The following CEP128 variants were observed in gnomAD, a reference collection of about 807,000 sequenced individuals.
CEP128 encodes the protein centrosomal protein 128.
A neutral mutation model predicts 156.7 loss-of-function variants in CEP128; 132 were observed. The ratio of observed to expected loss-of-function variants is 0.84; its 90% CI spans 0.73 to 0.97. The LOEUF (loss-of-function observed/expected upper bound fraction) is 0.97, where lower values mean the gene tolerates loss of function less well. Among genes scored for constraint, CEP128 ranks in the 50% least tolerant of loss-of-function variants. The pLI is 0.00. For missense variants in CEP128, 1,252 were observed against 1,281.9 expected (o/e 0.98, Z 0.36); for synonymous variants, 469 against 448.9 (o/e 1.04, Z -0.57).
At chr14:80,559,228 A>G (rs1324141760) in intron 21 of CEP128, 51 bp downstream of exon 21, 2 of 1,507,570 alleles carry the variant, frequency 1.3e-6, no homozygotes, top group Non-Finnish European at 9.2e-7. Flanking sequence ...AATCCACATC[A>G]GGAGACAGCA....
intron 2 of CEP128, among the ~76,000 whole-genome samples, chr14:80,920,736 C>A (rs1884812211): frequency 6.6e-6 from 1 of 152,102 alleles, no homozygotes; most frequent in African/African-American, 2.4e-5. Flanking sequence ...CAATAAGACG[C>A]TTTTCTAGAC....
At chr14:80,532,307 C>A (rs1389545294) in intron 21 of CEP128, among the ~76,000 whole-genome samples, 1 of 152,106 alleles carries the variant, frequency 6.6e-6, no homozygotes, top group South Asian at 2.1e-4. Flanking sequence ...GATCCTCTGA[C>A]CTCAGCCTCT....
At chr14:80,568,891 G>A (rs1279235145) in intron 20 of CEP128, among the ~76,000 whole-genome samples, 1 of 152,096 alleles carries the variant, frequency 6.6e-6, no homozygotes, top group African/African-American at 2.4e-5. Flanking sequence ...CTAAAATAAA[G>A]CAGATGTATA....
rs910954614 is a variant in CEP128, at chr14:80,785,279, T to G, written c.1827A>C (p.Lys609Asn). 81 of 1,614,080 alleles carry G rather than the reference T, an allele frequency of 5.0e-5. No homozygotes were observed. Among genetic ancestry groups the G allele is most frequent in the Middle Eastern group, 4.9e-4 (3 of 6,084 alleles). Residue 609 changes from lysine (K) to asparagine (N), a missense_variant, in exon 15 of 25, where the codon AAA (lysine) becomes AAC (asparagine). By Grantham distance (94) the Lys-to-Asn change is moderately conservative (BLOSUM62 0). Transcript: ENST00000555265. Reference sequence around the variant, plus strand: ...CTGCAATTTCTTCCTCCAAGTGAGCTTTCTCAACTTTCATCTGGCTTTGGA... The same window carrying G: ...CTGCAATTTCTTCCTCCAAGTGAGCGTTCTCAACTTTCATCTGGCTTTGGA... ...SKIQSQMKVEKAHLEEEIAEL... is the reference protein window; with the variant it reads ...SKIQSQMKVENAHLEEEIAEL...
At chr14:80,753,399 A>C (rs1227696927) in intron 18 of CEP128, among the ~76,000 whole-genome samples, 2 of 152,226 alleles carry the variant, frequency 1.3e-5, no homozygotes, top group African/African-American at 4.8e-5. Context: ...TAAATACTGG[A>C]TATAGGAATT....
At chr14:80,783,624 C>T (rs1245172246) in intron 15 of CEP128, among the ~76,000 whole-genome samples, 2 of 152,102 alleles carry the variant, frequency 1.3e-5, no homozygotes, top group Non-Finnish European at 2.9e-5. Context: ...TCTCCATATC[C>T]CAAACTCTAC....
downstream of CEP128, among the ~76,000 whole-genome samples, chr14:80,495,162 T>C (rs1887450356): frequency 6.6e-6 from 1 of 152,220 alleles, no homozygotes; most frequent in Admixed American, 6.5e-5. Flanking sequence ...ACAAGCAATA[T>C]GGTGGACCAG....
At chr14:80,854,007 C>T (rs1226201951) in intron 9 of CEP128, among the ~76,000 whole-genome samples, 5 of 151,436 alleles carry the variant, frequency 3.3e-5, no homozygotes, top group Non-Finnish European at 5.9e-5. Flanking sequence ...AGAGAAATCC[C>T]AAATAATCCA....
At chr14:80,795,070 A>C (rs1335363329) in intron 13 of CEP128, among the ~76,000 whole-genome samples, 1 of 152,208 alleles carries the variant, frequency 6.6e-6, no homozygotes, top group Non-Finnish European at 1.5e-5. Context: ...AACTTGCTCA[A>C]GATCACACAG....
At chr14:80,485,926 C>T (rs535255534), downstream of CEP128, among the ~76,000 whole-genome samples, 1 of 152,320 alleles carries the variant, frequency 6.6e-6, no homozygotes, top group East Asian at 1.9e-4. Flanking sequence ...TACATTACCA[C>T]TTGGTACAAA....
At chr14:80,568,958 T>C (rs1891030436) in intron 20 of CEP128, among the ~76,000 whole-genome samples, 1 of 152,204 alleles carries the variant, frequency 6.6e-6, no homozygotes, top group Non-Finnish European at 1.5e-5. Context: ...ACTTAACTGC[T>C]TTTTCTTCAA....
At chr14:80,629,643 A>G (rs563188054) in intron 19 of CEP128, among the ~76,000 whole-genome samples, 1 of 152,144 alleles carries the variant, frequency 6.6e-6, no homozygotes, top group African/African-American at 2.4e-5. Context: ...GTACATTAAT[A>G]AAAGGTGTAG....
intron 11 of CEP128, among the ~76,000 whole-genome samples, chr14:80,836,799 T>A (rs1487184430): frequency 2.0e-5 from 3 of 152,208 alleles, no homozygotes; most frequent in African/African-American, 4.8e-5. Context: ...TCTAAACTCC[T>A]TGAAGTCAGA....
intron 6 of CEP128, 80 bp downstream of exon 6, chr14:80,904,733 A>G (rs1258564968): frequency 2.4e-6 from 2 of 840,140 alleles, no homozygotes; most frequent in African/African-American, 1.7e-5. Flanking sequence ...ATATAGCCTT[A>G]AAGTTCAAGC....
intron 19 of CEP128, among the ~76,000 whole-genome samples, chr14:80,586,915 A>G (rs117437037): frequency 0.014 from 2,076 of 152,356 alleles, 15 homozygotes; most frequent in Non-Finnish European, 0.021. Flanking sequence ...GAATAAAGGT[A>G]TAACAATATG....
chr14:80,676,018 T>C (rs563337891), intron 19 of CEP128, among the ~76,000 whole-genome samples: 1 of 152,214 alleles, frequency 6.6e-6, no homozygotes, highest in South Asian at 2.1e-4. Context: ...ACTTCAGAAT[T>C]TCTCTAGGCT....
At chr14:80,550,671 T>A (rs886288465) in intron 21 of CEP128, among the ~76,000 whole-genome samples, 1 of 151,684 alleles carries the variant, frequency 6.6e-6, no homozygotes. Flanking sequence ...AATGTATATA[T>A]ATGAATATCG....
intron 10 of CEP128, among the ~76,000 whole-genome samples, chr14:80,838,833 A>C (rs1417433293): frequency 6.6e-6 from 1 of 152,198 alleles, no homozygotes; most frequent in Non-Finnish European, 1.5e-5. Context: ...GACATTTAAA[A>C]TTTCCTTAAT....
At chr14:80,659,998 A>G (rs1048856185) in intron 19 of CEP128, among the ~76,000 whole-genome samples, 2 of 152,190 alleles carry the variant, frequency 1.3e-5, no homozygotes, top group African/African-American at 4.8e-5. Context: ...ACTGAACAGT[A>G]TGTGGTAAAG....
Sources: allele counts gnomAD v4.1 joint callset (sites outside exome capture counted in the v4.1 genomes callset), GRCh38; gene constraint gnomAD v4.1.1; transcripts MANE v1.5; gene names NCBI Gene and HGNC (gene_info 2026-07-23, HGNC 2026-07-21).